Variants in FZD8 observed in about 807,000 individuals in gnomAD.
The protein encoded by FZD8 is frizzled class receptor 8.
Under a neutral mutation model 46.0 loss-of-function variants are expected in FZD8, and 18 were observed. That is an observed-to-expected ratio of 0.39 (90% CI 0.27 to 0.58). The LOEUF is 0.58. FZD8 is among the 20% of genes least tolerant of loss of function. The pLI is 0.55. For missense variants in FZD8, 785 were observed against 983.4 expected (o/e 0.80, Z 2.70); for synonymous variants, 586 against 467.9 (o/e 1.25, Z -3.26).
At position 35,640,927 on chromosome 10, in the gene FZD8, G is replaced by C; in HGVS notation, c.503C>G (p.Pro168Arg). 3 of 1,276,182 alleles carry C rather than the reference G, an allele frequency of 2.4e-6. No homozygotes were observed. Among genetic ancestry groups the C allele is most frequent in the Non-Finnish European group, 3.0e-6 (3 of 1,012,488 alleles). 79.1% of individuals were successfully genotyped at this position (1,276,182 alleles called of 1,614,324 possible). ...TAAPSPPRRL[P>R]PPPPGEQPPS... ...CGGCTGCTCGCCGGGCGGCGGCGGC[G>C]GCAGGCGGCGCGGCGGGCTGGGCGC... Residue 168 changes from proline (P) to arginine (R), a missense_variant, in exon 1 of 1, where the codon CCG becomes CGG. Physicochemically the swap from Pro to Arg is moderately radical, Grantham distance 103 (BLOSUM62 -2). Around this residue, in one of 5 missense-constraint regions of FZD8, gnomAD observed 354 missense variants for 433.2 expected, o/e 0.82. Transcript: ENST00000374694.
Position 35,638,812 on chromosome 10 carries a change from G to T in FZD8, c.*533C>A, listed in dbSNP as rs1175597301. On this transcript the variant is annotated 3_prime_UTR_variant, in exon 1 of 1. Transcript: ENST00000374694. ...TGTAAGAAACCCGTATTTACGTGGG[G>T]TGTATAATTAAGACATTTCTTGTTT... 1 of 152,462 alleles carries T rather than the reference G, an allele frequency of 6.6e-6. No homozygotes were observed. The highest frequency in any genetic ancestry group is 1.5e-5 in the Non-Finnish European group (1 of 68,028). The allele number at this position is 152,462 out of a possible 1,614,324, so 9.4% of individuals were successfully genotyped here. A position where few individuals can be genotyped will look rare whatever the true frequency, so the allele number is the denominator to read the frequency against.
In FZD8 at chr10:35,639,462, C is replaced by T; in HGVS notation, c.1968G>A (p.Gly656=). Residue 656 remains glycine (G), a synonymous_variant, in exon 1 of 1, where the codon GGG becomes GGA. Transcript: ENST00000374694. ...GGGGGGPGGG[G]GPGGGGGSLY... The stretch of plus-strand genomic sequence containing the variant: ...GGGAGCCCCCGCCGCCGCCCGGCCC[C>T]CCGCCGCCGCCGGGTCCCCCGCCGC... 1 of 1,039,050 alleles carries T rather than the reference C, an allele frequency of 9.6e-7. No homozygotes were observed. The highest frequency in any genetic ancestry group is 3.6e-5 in the South Asian group (1 of 27,970). 64.4% of individuals were successfully genotyped at this position (1,039,050 alleles called of 1,614,324 possible). A position where few individuals can be genotyped will look rare whatever the true frequency, so the allele number is the denominator to read the frequency against.
rs1207855013 is a variant in FZD8 at position 35,639,849 on chromosome 10, C to T, written c.1581G>A (p.Glu527=). The T allele has an allele frequency of 2.5e-6, 4 of 1,609,114 alleles. No homozygotes were observed. Among genetic ancestry groups the T allele is most frequent in the Non-Finnish European group, 3.4e-6 (4 of 1,179,862 alleles). Residue 527 remains glutamate (E), a synonymous_variant, in exon 1 of 1, where the codon GAG becomes GAA. Coordinates refer to ENST00000374694, the MANE Select transcript of FZD8 (RefSeq NM_031866.3). The part of the protein sequence containing the change: ...QDGPTKTHKL[E]KLMIRLGLFT... ...ACAGGCCCAGGCGGATCATCAGCTTCTCCAGCTTGTGCGTCTTGGTGGGGC... is the reference window on the plus strand; with the variant it reads ...ACAGGCCCAGGCGGATCATCAGCTTTTCCAGCTTGTGCGTCTTGGTGGGGC...
At position 35,640,313 on chromosome 10, in the gene FZD8, G is replaced by C; in HGVS notation, c.1117C>G (p.Arg373Gly). The change falls in exon 1 of 1, where the codon CGC becomes GGC. Residue 373 changes from arginine (R) to glycine (G), a missense_variant. By Grantham distance (125) the Arg-to-Gly change is moderately radical. This residue lies in a region of FZD8 where 88 missense variants were observed against 83.6 expected (regional missense o/e 1.05). Coordinates refer to ENST00000374694, the MANE Select transcript of FZD8 (RefSeq NM_031866.3). ...GCGCCCAGCTCCTCGTACTCGCCGCGCCCGCCCGGGCCGCCCGCGCCCGCG... is the reference window on the plus strand; with the variant it reads ...GCGCCCAGCTCCTCGTACTCGCCGCCCCCGCCCGGGCCGCCCGCGCCCGCG... The part of the protein sequence containing the change: ...AGAGAGGPGG[R>G]GEYEELGAVE... The C allele has an allele frequency of 7.8e-7, 1 of 1,285,174 alleles. No individual in the cohort carries two copies. The highest frequency in any genetic ancestry group is 1.0e-6 in the Non-Finnish European group (1 of 1,002,022). 79.6% of individuals were successfully genotyped at this position (1,285,174 alleles called of 1,614,324 possible). A position where few individuals can be genotyped will look rare whatever the true frequency, so the allele number is the denominator to read the frequency against.
rs370745644 is a variant in FZD8, at chr10:35,641,046, G to A, written c.384C>T (p.Ala128=). The A allele has an allele frequency of 1.2e-6, 2 of 1,609,662 alleles. No homozygotes were observed. Among genetic ancestry groups the A allele is most frequent in the African/African-American group, 1.3e-5 (1 of 74,882 alleles). ...GGTCGCAGCGCATGCGGTCGGGCCAGGCGAAGCCGTACTGGCGCATGAGCG... is the reference window on the plus strand; with the variant it reads ...GGTCGCAGCGCATGCGGTCGGGCCAAGCGAAGCCGTACTGGCGCATGAGCG... ...CAPLMRQYGF[A]WPDRMRCDRL... is the part of the protein sequence containing the mutation. Residue 128 remains alanine, a synonymous_variant, in exon 1 of 1, where the codon GCC becomes GCT. Coordinates refer to ENST00000374694, the MANE Select transcript of FZD8 (RefSeq NM_031866.3). This position sits in a 1 kb window ranked among gnomAD's most constrained non-coding sequence, Gnocchi z 6.3.
rs1326580884 is a variant in FZD8, at chr10:35,641,816, G to C, written c.-387C>G. The C allele has an allele frequency of 6.2e-6, 1 of 160,774 alleles. No individual in the cohort carries two copies. The highest frequency in any genetic ancestry group is 2.4e-5 in the African/African-American group (1 of 41,716). 10.0% of individuals were successfully genotyped at this position (160,774 alleles called of 1,614,324 possible). On this transcript the variant is annotated 5_prime_UTR_variant, in exon 1 of 1. Transcript: ENST00000374694. This position sits in a 1 kb window ranked among gnomAD's most constrained non-coding sequence, Gnocchi z 6.3. ...TCCGCGCGCCCGACCACTTCTCCCC[G>C]CCGCGCCGGGCGGCGGTGACTCCGC...
chr10:35,640,657 G>T lies in FZD8; in HGVS notation c.773C>A (p.Ala258Asp). ...LYNRVKTGQIANCALPCHNPF... is the reference protein window; with the variant it reads ...LYNRVKTGQIDNCALPCHNPF... ...GTTGTGGCAGGGCAGCGCGCAGTTA[G>T]CGATCTGGCCTGTCTTGACGCGGTT... The change falls in exon 1 of 1, where the codon GCT becomes GAT. Residue 258 changes from alanine to aspartate, a missense_variant. Coordinates refer to ENST00000374694, the MANE Select transcript of FZD8 (RefSeq NM_031866.3). The T allele has an allele frequency of 6.3e-7, 1 of 1,581,124 alleles. No homozygotes were observed. Among genetic ancestry groups the T allele is most frequent in the Non-Finnish European group, 8.6e-7 (1 of 1,161,964 alleles).
chr10:35,641,446 C>G lies in FZD8; in HGVS notation c.-17G>C. On this transcript the variant is annotated 5_prime_UTR_variant, in exon 1 of 1. Coordinates refer to ENST00000374694, the MANE Select transcript of FZD8 (RefSeq NM_031866.3). This position sits in a 1 kb window ranked among gnomAD's most constrained non-coding sequence, Gnocchi z 6.3. ...CCACTCCATGCTGTGCGCCTCGGCC[C>G]GGTGCCCTCGCCCTCCAGGCGGCGC... The G allele has an allele frequency of 6.4e-7, 1 of 1,574,596 alleles. No homozygotes were observed. The highest frequency in any genetic ancestry group is 8.6e-7 in the Non-Finnish European group (1 of 1,163,610).
rs1554808062 is a variant in FZD8, at chr10:35,641,487, G to GGC, written c.-59_-58insGC. ...CAGGCGGCGCGCAGAGGGGTGCCGG[G>GGC]GGGGGGGCCCACGAGAGAGCCGCAG... On this transcript the variant is annotated 5_prime_UTR_variant, in exon 1 of 1. Transcript: ENST00000374694. This position sits in a 1 kb window ranked among gnomAD's most constrained non-coding sequence, Gnocchi z 6.3. 3 of 1,334,754 alleles carry GGC rather than the reference G, an allele frequency of 2.2e-6. No homozygotes were observed. Among genetic ancestry groups the GGC allele is most frequent in the African/African-American group, 3.2e-5 (2 of 62,448 alleles). 82.7% of individuals were successfully genotyped at this position (1,334,754 alleles called of 1,614,324 possible).
In FZD8 at chr10:35,641,408, C is replaced by G. The variant is rs1156938847; in HGVS notation, c.22G>C (p.Glu8Gln). 1.2e-6 allele frequency: 2 copies of G among 1,610,660 alleles called. No homozygotes were observed. Among genetic ancestry groups the G allele is most frequent in the South Asian group, 1.1e-5 (1 of 90,956 alleles). Residue 8 changes from glutamate to glutamine, a missense_variant, in exon 1 of 1, where the codon GAA (glutamate) becomes CAA (glutamine). Physicochemically the swap from Glu to Gln is conservative, Grantham distance 29. Transcript: ENST00000374694. The surrounding 1 kb of genome is among the most constrained non-coding windows in gnomAD (Gnocchi z 6.3). MEWGYLL[E>Q]VTSLLAALAL... ...AAGGCGGCCAGCAGCGAGGTCACTT[C>G]CAACAGGTAACCCCACTCCATGCTG...
At position 35,639,304 on chromosome 10, in the gene FZD8, G is replaced by GGCCCCCCC; in HGVS notation, c.*40_*41insGGGGGGGC. 1.2e-6 allele frequency: 1 copy of GGCCCCCCC among 826,702 alleles called. No individual in the cohort carries two copies. The highest frequency in any genetic ancestry group is 1.8e-6 in the Non-Finnish European group (1 of 565,360). 51.2% of individuals were successfully genotyped at this position (826,702 alleles called of 1,614,324 possible). ...CCCTTCGCTGCACTTGGCTCTCCTC[G>GGCCCCCCC]CCCCCCTCCCCACCCCTCCTGGGCG... On this transcript the variant is annotated 3_prime_UTR_variant, in exon 1 of 1. Transcript: ENST00000374694.
At position 35,639,879 on chromosome 10, in the gene FZD8, C is replaced by T. The variant is rs368034143; in HGVS notation, c.1551G>A (p.Gln517=). 878 of 1,611,736 alleles carry T rather than the reference C, an allele frequency of 5.4e-4. 9 individuals carry two copies. The South Asian group carries it at 9.0e-3, about 17-fold the overall frequency. The part of the protein sequence containing the change: ...LFRIRSVIKQ[Q]DGPTKTHKLE... ...GCTTGTGCGTCTTGGTGGGGCCGTC[C>T]TGTTGCTTGATGACCGAGCGGATGC... Residue 517 remains glutamine, a synonymous_variant, in exon 1 of 1, where the codon CAG becomes CAA. Transcript: ENST00000374694.
In FZD8 at chr10:35,640,422, C is replaced by T. The variant is rs73270587; in HGVS notation, c.1008G>A (p.Glu336=). ...GYLVRLVAGH[E]KVACSGGAPG... is the part of the protein sequence containing the mutation. Reference sequence around the variant, plus strand: ...GCGCGCCACCGCTGCACGCCACCTTCTCGTGGCCCGCCACCAGGCGCACTA... The same window carrying T: ...GCGCGCCACCGCTGCACGCCACCTTTTCGTGGCCCGCCACCAGGCGCACTA... Residue 336 remains glutamate (E), a synonymous_variant, in exon 1 of 1, where the codon GAG becomes GAA. Transcript: ENST00000374694. 9,614 of 1,433,836 alleles carry T rather than the reference C, an allele frequency of 6.7e-3. 462 individuals carry two copies. The African/African-American group carries it at 0.11, about 16-fold the overall frequency. 88.8% of individuals were successfully genotyped at this position (1,433,836 alleles called of 1,614,324 possible).
In FZD8 at chr10:35,641,379, C is replaced by G; in HGVS notation, c.51G>C (p.Ala17=). 1.2e-6 allele frequency: 2 copies of G among 1,612,828 alleles called. No homozygotes were observed. The highest frequency in any genetic ancestry group is 1.7e-6 in the Non-Finnish European group (2 of 1,179,666). The change falls in exon 1 of 1, where the codon GCG becomes GCC. Residue 17 remains alanine (A), a synonymous_variant. Transcript: ENST00000374694. The surrounding 1 kb of genome is among the most constrained non-coding windows in gnomAD (Gnocchi z 6.3). ...LEVTSLLAAL[A]LLQRSSGAAA... The stretch of plus-strand genomic sequence containing the variant: ...CAGCGCCGCTAGAGCGCTGCAGCAG[C>G]GCCAAGGCGGCCAGCAGCGAGGTCA...
chr10:35,641,133 G>C lies in FZD8; in HGVS notation c.297C>G (p.Asp99Glu), dbSNP rs1185112250. 4 of 1,613,270 alleles carry C rather than the reference G, an allele frequency of 2.5e-6. No individual in the cohort carries two copies. Among genetic ancestry groups the C allele is most frequent in the Non-Finnish European group, 2.5e-6 (3 of 1,179,828 alleles). Residue 99 changes from aspartate to glutamate, a missense_variant, in exon 1 of 1, where the codon GAC becomes GAG. Asp to Glu is a conservative substitution (Grantham distance 45). Around this residue, in one of 5 missense-constraint regions of FZD8, gnomAD observed 354 missense variants for 433.2 expected, o/e 0.82. Coordinates refer to ENST00000374694, the MANE Select transcript of FZD8 (RefSeq NM_031866.3). This position sits in a 1 kb window ranked among gnomAD's most constrained non-coding sequence, Gnocchi z 6.3. Reference sequence around the variant, plus strand: ...GGCAGGGCGGCAGCGGCTTCTTGTAGTCCTCTAGGCAGATGGGCGTGTACA... The same window carrying C: ...GGCAGGGCGGCAGCGGCTTCTTGTACTCCTCTAGGCAGATGGGCGTGTACA... ...CSMYTPICLE[D>E]YKKPLPPCRS...
Position 35,640,816 on chromosome 10 carries a change from G to C in FZD8, c.614C>G (p.Ala205Gly). 1 of 987,548 alleles carries C rather than the reference G, an allele frequency of 1.0e-6. No individual in the cohort carries two copies. The highest frequency in any genetic ancestry group is 4.5e-5 in the South Asian group (1 of 22,064). 61.2% of individuals were successfully genotyped at this position (987,548 alleles called of 1,614,324 possible). Residue 205 changes from alanine to glycine, a missense_variant, in exon 1 of 1, where the codon GCG (alanine) becomes GGG (glycine). Around this residue, in one of 5 missense-constraint regions of FZD8, gnomAD observed 354 missense variants for 433.2 expected, o/e 0.82. Coordinates refer to ENST00000374694, the MANE Select transcript of FZD8 (RefSeq NM_031866.3). ...GCCGCCGCCGCGAGCTGGGGGCGCC[G>C]CCGCGTCCCCGCCGCCACCGCCCCT... The part of the protein sequence containing the change: ...GGRGGGGGDA[A>G]APPARGGGGG...
Position 35,640,345 on chromosome 10 carries a change from G to C in FZD8, c.1085C>G (p.Ala362Gly). The C allele has an allele frequency of 2.1e-6, 2 of 962,994 alleles. No individual in the cohort carries two copies. The highest frequency in any genetic ancestry group is 2.5e-6 in the Non-Finnish European group (2 of 812,928). The allele number at this position is 962,994 out of a possible 1,614,324, so 59.7% of individuals were successfully genotyped here. A position where few individuals can be genotyped will look rare whatever the true frequency, so the allele number is the denominator to read the frequency against. ...GAGGAAAGAG[A>G]AGAGAGGPGG... ...CGGGCCGCCCGCGCCCGCGCCCGCC[G>C]CGCCCGCGCCCGCCGCCGCGCCGCC... is the stretch of plus-strand genomic sequence containing the variant. The change falls in exon 1 of 1, where the codon GCG becomes GGG. Residue 362 changes from alanine to glycine, a missense_variant. This residue lies in a region of FZD8 where 88 missense variants were observed against 83.6 expected (regional missense o/e 1.05). Coordinates refer to ENST00000374694, the MANE Select transcript of FZD8 (RefSeq NM_031866.3).
chr10:35,642,015 G>C lies in FZD8; in HGVS notation c.-586C>G, dbSNP rs113619063. 2,262 of 156,008 alleles carry C rather than the reference G, an allele frequency of 0.014. 20 individuals are homozygous for C. The highest frequency in any genetic ancestry group is 0.021 in the Non-Finnish European group (1,483 of 70,630). The allele number at this position is 156,008 out of a possible 1,614,324, so 9.7% of individuals were successfully genotyped here. ...CGCCGCCGCCGCCGCCGGAGTTGGG[G>C]ACCCGCCTCGGCCCAGGCCGCCGCC... On this transcript the variant is annotated 5_prime_UTR_variant, in exon 1 of 1. Transcript: ENST00000374694.
Position 35,639,873 on chromosome 10 carries a change from G to T in FZD8, c.1557C>A (p.Gly519=), listed in dbSNP as rs761857847. 9 of 1,611,052 alleles carry T rather than the reference G, an allele frequency of 5.6e-6. No homozygotes were observed. Residue 519 remains glycine, a synonymous_variant, in exon 1 of 1, where the codon GGC becomes GGA. Coordinates refer to ENST00000374694, the MANE Select transcript of FZD8 (RefSeq NM_031866.3). ...TCTCCAGCTTGTGCGTCTTGGTGGG[G>T]CCGTCCTGTTGCTTGATGACCGAGC... ...RIRSVIKQQD[G]PTKTHKLEKL...
Sources: gnomAD v4.1 joint callset for allele counts on GRCh38, gnomAD v4.1.1 for gene constraint, gnomAD v4.1.1 regional missense constraint, Gnocchi (gnomAD v3.1) non-coding constraint, MANE v1.5 for transcripts, NCBI Gene and HGNC (gene_info 2026-07-23, HGNC 2026-07-21) for gene names.